CRADD: variants seen among roughly 807,000 people sequenced by gnomAD.
CRADD encodes the protein death domain-containing protein CRADD.
Under a neutral mutation model 15.5 loss-of-function variants are expected in CRADD, and 9 were observed. The ratio of observed to expected loss-of-function variants is 0.58; its 90% CI spans 0.35 to 1.01. The LOEUF (loss-of-function observed/expected upper bound fraction) is 1.01. CRADD is among the 50% of genes least tolerant of loss of function. The pLI is 0.02. For missense variants in CRADD, 227 were observed against 250.3 expected, an observed-to-expected ratio of 0.91 and a Z score of 0.63; for synonymous variants, 118 against 107.6, an observed-to-expected ratio of 1.10 and a Z score of -0.60.
At chr12:93,707,102 T>C (rs972705650) in intron 2 of CRADD, among the ~76,000 whole-genome samples, 28 of 152,192 alleles carry the variant, frequency 1.8e-4, no homozygotes, top group African/African-American at 6.0e-4. Flanking sequence ...GTCTGTGTCA[T>C]TTGTCATGGA....
intron 2 of CRADD, among the ~76,000 whole-genome samples, chr12:93,867,388 CAT>C (rs150901925): frequency 2.1e-4 from 11 of 52,556 alleles, no homozygotes; most frequent in Admixed American, 3.2e-4. Flanking sequence ...TTGTATTTGA[CAT>C]ATATATATAT....
intron 2 of CRADD, among the ~76,000 whole-genome samples, chr12:93,880,018 A>G (rs1292241961): frequency 1.3e-5 from 2 of 152,210 alleles, no homozygotes; most frequent in Non-Finnish European, 2.9e-5. Flanking sequence ...AATACAACAG[A>G]TGGTGACTTG....
At chr12:93,701,912 ATTCCT>A (rs1955850237) in intron 2 of CRADD, among the ~76,000 whole-genome samples, 1 of 151,364 alleles carries the variant, frequency 6.6e-6, no homozygotes, top group Non-Finnish European at 1.5e-5. Flanking sequence ...TCAGAGCCTA[ATTCCT>A]TTCTTTTCCC....
chr12:93,891,318 C>A (rs1391329254), intron 2 of CRADD, among the ~76,000 whole-genome samples: 2 of 151,948 alleles, frequency 1.3e-5, no homozygotes, highest in Non-Finnish European at 1.5e-5. Flanking sequence ...GCAACCCCAT[C>A]TCTACTAAAA....
intron 2 of CRADD, among the ~76,000 whole-genome samples, chr12:93,778,591 C>G (rs949019042): frequency 1.3e-5 from 2 of 152,178 alleles, no homozygotes; most frequent in African/African-American, 4.8e-5. Flanking sequence ...GCAATTTCCT[C>G]TCATTCAGTA....
chr12:93,682,802 A>G lies in CRADD; in HGVS notation c.298+3730A>G, dbSNP rs372950280. Reference sequence around the variant, plus strand: ...ATCTGCCTCTGTGACTAGTCTCCCAATCTCTGTTAGGAAAAAAAAAAAGGT... The same window carrying G: ...ATCTGCCTCTGTGACTAGTCTCCCAGTCTCTGTTAGGAAAAAAAAAAAGGT... On this transcript the variant is annotated intron_variant, in intron 2 of 2. Transcript: ENST00000332896. 1.6e-4 allele frequency among the ~76,000 whole-genome samples: 24 copies of G among 151,804 alleles called. 3 individuals carry two copies. Among genetic ancestry groups the G allele is most frequent in the Admixed American group, 1.4e-3 (21 of 15,274 alleles).
At chr12:93,730,022 G>T (rs980665439) in intron 2 of CRADD, among the ~76,000 whole-genome samples, 3 of 152,136 alleles carry the variant, frequency 2.0e-5, no homozygotes, top group Non-Finnish European at 4.4e-5. Flanking sequence ...ACAAATGGCC[G>T]CTGAATTCTT....
At chr12:93,736,937 T>G (rs74355899) in intron 2 of CRADD, among the ~76,000 whole-genome samples, 3,543 of 152,338 alleles carry the variant, frequency 0.023, 152 homozygotes, top group African/African-American at 0.08. Context: ...AATACAATTA[T>G]TTCCTCAAGG....
Position 93,850,383 on chromosome 12 carries a change from A to G in CRADD, c.*112A>G, listed in dbSNP as rs1284045720. 7.0e-7 allele frequency: 1 copy of G among 1,419,880 alleles called. No individual in the cohort carries two copies. Among genetic ancestry groups the G allele is most frequent in the Admixed American group, 3.2e-5 (1 of 31,068 alleles). 88.0% of individuals were successfully genotyped at this position (1,419,880 alleles called of 1,614,324 possible). ...GTAGGTTTGTTTTTTATTTTTGATGATCTTCAGATGGAAGGAGAAAACAGG... is the reference window on the plus strand; with the variant it reads ...GTAGGTTTGTTTTTTATTTTTGATGGTCTTCAGATGGAAGGAGAAAACAGG... On this transcript the variant is annotated 3_prime_UTR_variant, in exon 3 of 3. Coordinates refer to ENST00000332896, the MANE Select transcript of CRADD (RefSeq NM_003805.5). This position sits in a 1 kb window ranked among gnomAD's most constrained non-coding sequence, Gnocchi z 4.0.
At chr12:93,823,157 T>A (rs1002793930) in intron 2 of CRADD, among the ~76,000 whole-genome samples, 16 of 152,238 alleles carry the variant, frequency 1.1e-4, no homozygotes, top group African/African-American at 3.6e-4. Flanking sequence ...CCTGGCGTGG[T>A]GGCAGGTGCC....
intron 2 of CRADD, among the ~76,000 whole-genome samples, chr12:93,834,585 T>C (rs1472403314): frequency 1.3e-5 from 2 of 152,108 alleles, no homozygotes; most frequent in African/African-American, 4.8e-5. Flanking sequence ...ACCTCCCAGG[T>C]TCAAGTGATT....
At chr12:93,872,921 AT>A (rs1200916339) in intron 2 of CRADD, among the ~76,000 whole-genome samples, 2 of 151,292 alleles carry the variant, frequency 1.3e-5, no homozygotes, top group Non-Finnish European at 3.0e-5. Context: ...AAATTTTAGG[AT>A]TTTTTTTCTA....
At chr12:93,795,433 C>T (rs1285838605) in intron 2 of CRADD, among the ~76,000 whole-genome samples, 4 of 152,170 alleles carry the variant, frequency 2.6e-5, no homozygotes, top group African/African-American at 4.8e-5. Flanking sequence ...CACATTCTAT[C>T]CTGGGCACCA....
chr12:93,756,464 T>A (rs955169803), intron 2 of CRADD, among the ~76,000 whole-genome samples: 6 of 152,138 alleles, frequency 3.9e-5, no homozygotes, highest in African/African-American at 1.4e-4. Flanking sequence ...CCAGACCACT[T>A]GTAAGCCACA....
At chr12:93,823,402 A>G (rs1957790275) in intron 2 of CRADD, among the ~76,000 whole-genome samples, 1 of 152,176 alleles carries the variant, frequency 6.6e-6, no homozygotes, top group Non-Finnish European at 1.5e-5. Context: ...GAATACACCA[A>G]AAGAGTGATT....
intron 2 of CRADD, among the ~76,000 whole-genome samples, chr12:93,784,190 G>A (rs1193751519): frequency 1.3e-5 from 2 of 152,088 alleles, no homozygotes; most frequent in African/African-American, 2.4e-5. Context: ...CAAGAATCGA[G>A]GCGCTAAATA....
chr12:93,837,052 TGTCCCAGGGAA>T (rs555448847), intron 2 of CRADD, among the ~76,000 whole-genome samples: 4 of 151,832 alleles, frequency 2.6e-5, no homozygotes, highest in Non-Finnish European at 4.4e-5. Context: ...AGTGAAAGAG[TGTCCCAGGGAA>T]AGGGAACAGC....
At chr12:93,696,102 T>A (rs10859555) in intron 2 of CRADD, among the ~76,000 whole-genome samples, 24,438 of 152,156 alleles carry the variant, frequency 0.16, 3,847 homozygotes, top group African/African-American at 0.41. Flanking sequence ...AGTACTGGCA[T>A]GGATGTGGAG....
chr12:93,744,843 A>G (rs1202050525), intron 2 of CRADD, among the ~76,000 whole-genome samples: 3 of 152,200 alleles, frequency 2.0e-5, no homozygotes, highest in African/African-American at 7.2e-5. Flanking sequence ...ACCTTGCAAA[A>G]TCTTCCTTGA....
Sources: gnomAD v4.1 joint callset for allele counts (sites outside exome capture counted in the v4.1 genomes callset) on GRCh38, gnomAD v4.1.1 for gene constraint, Gnocchi (gnomAD v3.1) non-coding constraint, MANE v1.5 for transcripts, NCBI Gene and HGNC (gene_info 2026-07-23, HGNC 2026-07-21) for gene names.